CORO2B: variants seen among roughly 807,000 people sequenced by gnomAD.
The protein encoded by CORO2B is coronin 2B, also known as coronin-2B.
In CORO2B, 26 loss-of-function variants were observed where a neutral mutation model predicts 58.8. The ratio of observed to expected loss-of-function variants is 0.44; its 90% confidence interval spans 0.32 to 0.61. The LOEUF is 0.61. CORO2B is among the 20% of genes least tolerant of loss of function. The probability of loss-of-function intolerance (pLI) is 0.04; values close to 1 mark genes in which losing one functional copy is unlikely to be tolerated. For synonymous variants in CORO2B, 242 were observed against 253.8 expected, an observed-to-expected ratio of 0.95 and a Z score of 0.44; for missense variants, 460 against 645.1, an observed-to-expected ratio of 0.71 and a Z score of 3.11.
chr15:68,580,718 T>C (rs1039911861), intron 1 of CORO2B, among the ~76,000 whole-genome samples: 1 of 152,056 alleles, frequency 6.6e-6, no homozygotes, highest in African/African-American at 2.4e-5. Flanking sequence ...AGGTTATTAA[T>C]GTCAAAGATG....
chr15:68,708,265 G>A (rs569438308), intron 3 of CORO2B, among the ~76,000 whole-genome samples: 2 of 152,070 alleles, frequency 1.3e-5, no homozygotes, highest in Admixed American at 6.5e-5. Flanking sequence ...CACCAAGAAG[G>A]AAAATTTGTC....
intron 1 of CORO2B, among the ~76,000 whole-genome samples, chr15:68,595,873 A>G (rs938933378): frequency 2.0e-5 from 3 of 152,184 alleles, no homozygotes; most frequent in Non-Finnish European, 4.4e-5. Flanking sequence ...CCCTGGTGAG[A>G]CGGAGCGGGC....
chr15:68,700,370 C>G (rs549800511), intron 3 of CORO2B, among the ~76,000 whole-genome samples: 1 of 143,868 alleles, frequency 7.0e-6, no homozygotes, highest in Non-Finnish European at 1.5e-5. Flanking sequence ...CCACTTCCCT[C>G]TACTTGTCTC....
At chr15:68,669,127 GAGAA>G (rs957535144) in intron 2 of CORO2B, among the ~76,000 whole-genome samples, 42 of 150,876 alleles carry the variant, frequency 2.8e-4, no homozygotes, top group Admixed American at 7.9e-4. Flanking sequence ...AGGAAGGAAA[GAGAA>G]AGAAAGGAAA....
intron 2 of CORO2B, among the ~76,000 whole-genome samples, chr15:68,662,490 A>AT (rs1365938957): frequency 1.3e-5 from 2 of 152,256 alleles, no homozygotes; most frequent in Admixed American, 1.3e-4. Flanking sequence ...TGCAGTTGTC[A>AT]TTCAAGGTTT....
chr15:68,529,252 C>A, the CORO2B span, among the ~76,000 whole-genome samples: 2 of 152,122 alleles, frequency 1.3e-5, no homozygotes, highest in Admixed American at 1.3e-4. Flanking sequence ...AAGCATAAAT[C>A]TATTTACTGC....
chr15:68,583,255 A>C (rs987964949), intron 1 of CORO2B, among the ~76,000 whole-genome samples: 4 of 152,204 alleles, frequency 2.6e-5, no homozygotes, highest in Non-Finnish European at 1.5e-5. Flanking sequence ...GCCCCTACAG[A>C]GTCACCCATA....
Position 68,686,333 on chromosome 15 carries a change from G to C in CORO2B, c.217-8807G>C, listed in dbSNP as rs374859897. On this transcript the variant is annotated intron_variant, in intron 2 of 11. Transcript: ENST00000261861. Reference sequence around the variant, plus strand: ...TTACAGGAGTGAGCCACCACGCCCGGCTTCATACACTGATTTCTAATGACT... The same window carrying C: ...TTACAGGAGTGAGCCACCACGCCCGCCTTCATACACTGATTTCTAATGACT... 1.4e-4 allele frequency among the ~76,000 whole-genome samples: 22 copies of C among 152,102 alleles called. 1 individual carries two copies. The South Asian group carries it at 2.3e-3, about 16-fold the overall frequency.
At chr15:68,670,610 A>T (rs1902359889) in intron 2 of CORO2B, among the ~76,000 whole-genome samples, 1 of 152,260 alleles carries the variant, frequency 6.6e-6, no homozygotes, top group South Asian at 2.1e-4. Flanking sequence ...ATTATTAAGA[A>T]AAAGATAAAC....
At chr15:68,593,779 A>G (rs1899760526) in intron 1 of CORO2B, among the ~76,000 whole-genome samples, 1 of 152,072 alleles carries the variant, frequency 6.6e-6, no homozygotes, top group Non-Finnish European at 1.5e-5. Context: ...AAGTGGGTGT[A>G]GGACGCATTG....
intron 1 of CORO2B, among the ~76,000 whole-genome samples, chr15:68,585,288 C>T (rs186472183): frequency 5.9e-5 from 9 of 152,280 alleles, no homozygotes; most frequent in Non-Finnish European, 7.3e-5. Flanking sequence ...GCGGGATGCA[C>T]GCCCAGATCT....
the CORO2B span, among the ~76,000 whole-genome samples, chr15:68,527,798 A>C: frequency 6.6e-6 from 1 of 152,210 alleles, no homozygotes; most frequent in Non-Finnish European, 1.5e-5. Context: ...TAGTTCTTTT[A>C]AAATTTCTCT....
the CORO2B span, among the ~76,000 whole-genome samples, chr15:68,564,035 G>A: frequency 1.4e-4 from 22 of 152,248 alleles, no homozygotes; most frequent in East Asian, 3.9e-3. Context: ...ACCCTGATAC[G>A]AAATCCAAAC....
the CORO2B span, chr15:68,559,604 C>T: frequency 1.0e-6 from 1 of 985,388 alleles, no homozygotes; most frequent in Non-Finnish European, 1.2e-6. The surrounding 1 kb of genome is among the most constrained non-coding windows in gnomAD (Gnocchi z 4.3). Flanking sequence ...ACGGAACAAG[C>T]GTGCTGATGG....
chr15:68,568,792 C>CACAG, the CORO2B span, among the ~76,000 whole-genome samples: 2 of 151,944 alleles, frequency 1.3e-5, no homozygotes, highest in African/African-American at 2.4e-5. Flanking sequence ...AACACATGGA[C>CACAG]ACAGGGAGGG....
At chr15:68,698,896 C>T (rs1198752260) in intron 3 of CORO2B, among the ~76,000 whole-genome samples, 1 of 152,070 alleles carries the variant, frequency 6.6e-6, no homozygotes, top group Non-Finnish European at 1.5e-5. Flanking sequence ...AAACGTGGTG[C>T]AGAATGAGGT....
chr15:68,625,154 A>AC (rs1330265305), intron 1 of CORO2B, among the ~76,000 whole-genome samples: 1 of 151,690 alleles, frequency 6.6e-6, no homozygotes, highest in African/African-American at 2.4e-5. Context: ...TGCTGGAAGG[A>AC]CCCCGTCTTC....
chr15:68,554,082 G>C, the CORO2B span, among the ~76,000 whole-genome samples: 21 of 152,184 alleles, frequency 1.4e-4, no homozygotes, highest in Non-Finnish European at 1.5e-5. Flanking sequence ...GGTTGGAGAG[G>C]CGGTGACAGG....
intron 1 of CORO2B, among the ~76,000 whole-genome samples, chr15:68,638,655 G>A (rs1054817144): frequency 6.6e-5 from 10 of 152,340 alleles, no homozygotes; most frequent in African/African-American, 2.2e-4. Flanking sequence ...GTATTGGAAA[G>A]AGCAGTAGAC....
Sources: allele counts gnomAD v4.1 joint callset (sites outside exome capture counted in the v4.1 genomes callset), GRCh38; gene constraint gnomAD v4.1.1; non-coding constraint Gnocchi (gnomAD v3.1); transcripts MANE v1.5; gene names NCBI Gene and HGNC (gene_info 2026-07-23, HGNC 2026-07-21).